The following STXBP5L variants were observed in gnomAD, a reference collection of about 807,000 sequenced individuals.
STXBP5L encodes the protein syntaxin-binding protein 5-like.
Under a neutral mutation model 144.5 loss-of-function variants are expected in STXBP5L, and 65 were observed. The observed-to-expected ratio is 0.45, with a 90% CI of 0.37 to 0.55. The LOEUF is 0.55. STXBP5L is among the 20% of genes least tolerant of loss of function. STXBP5L has a pLI of 0.00. For missense variants in STXBP5L, 1,298 were observed against 1,405.5 expected (o/e 0.92, Z 1.22); for synonymous variants, 505 against 469.6 (o/e 1.08, Z -0.97).
intron 3 of STXBP5L, among the ~76,000 whole-genome samples, chr3:121,007,803 A>G (rs2108105380): frequency 6.6e-6 from 1 of 152,142 alleles, no homozygotes; most frequent in South Asian, 2.1e-4. Context: ...GGTCAAAAGA[A>G]TGTGGTCAGG....
At chr3:121,157,839 T>C (rs895343596) in intron 9 of STXBP5L, 3 of 574,460 alleles carry the variant, frequency 5.2e-6, no homozygotes. Flanking sequence ...CCCTGTTTTG[T>C]AAGCTGTAGT....
intron 3 of STXBP5L, among the ~76,000 whole-genome samples, chr3:121,029,240 G>A (rs533378155): frequency 6.6e-6 from 1 of 152,070 alleles, no homozygotes; most frequent in African/African-American, 2.4e-5. Context: ...TAAGCAAAAA[G>A]AACAAAGCTG....
intron 3 of STXBP5L, among the ~76,000 whole-genome samples, chr3:121,024,777 A>G (rs1029858066): frequency 1.3e-5 from 2 of 152,182 alleles, no homozygotes; most frequent in African/African-American, 2.4e-5. Flanking sequence ...GTATAAACAC[A>G]AGTATATAGA....
chr3:121,252,239 G>A (rs925102192), intron 15 of STXBP5L, among the ~76,000 whole-genome samples: 4 of 151,920 alleles, frequency 2.6e-5, no homozygotes, highest in African/African-American at 7.3e-5. Context: ...GGCAGCATGC[G>A]CCTGTGGTCC....
intron 9 of STXBP5L, among the ~76,000 whole-genome samples, chr3:121,192,918 A>T (rs879398073): frequency 4.6e-5 from 7 of 152,244 alleles, no homozygotes; most frequent in Admixed American, 4.6e-4. Context: ...ATGGGCAAGG[A>T]CTTCATAACT....
chr3:121,039,580 C>T (rs1465791868), intron 3 of STXBP5L, among the ~76,000 whole-genome samples: 1 of 150,994 alleles, frequency 6.6e-6, no homozygotes, highest in Non-Finnish European at 1.5e-5. Context: ...ATATCATTTC[C>T]CTTTTGCCTG....
intron 5 of STXBP5L, among the ~76,000 whole-genome samples, chr3:121,059,695 C>T (rs1014398211): frequency 3.3e-5 from 5 of 152,104 alleles, no homozygotes; most frequent in Non-Finnish European, 5.9e-5. Context: ...CTTCACATCC[C>T]TTGTAAGCTG....
At chr3:121,401,863 G>A (rs2046883711) in intron 22 of STXBP5L, among the ~76,000 whole-genome samples, 1 of 129,470 alleles carries the variant, frequency 7.7e-6, no homozygotes, top group South Asian at 2.9e-4. Context: ...CCTGCACAAT[G>A]TGCACATGTA....
intron 3 of STXBP5L, among the ~76,000 whole-genome samples, chr3:120,962,934 G>A (rs1316305581): frequency 2.0e-5 from 3 of 152,022 alleles, no homozygotes; most frequent in African/African-American, 7.2e-5. Flanking sequence ...ATTTGTTTGT[G>A]TCCTCTTTTA....
At chr3:121,070,545 C>T (rs1315074298) in intron 5 of STXBP5L, among the ~76,000 whole-genome samples, 1 of 152,098 alleles carries the variant, frequency 6.6e-6, no homozygotes. Flanking sequence ...CTTCATTCCT[C>T]CCTTTTGGTG....
At position 121,419,175 on chromosome 3, in the gene STXBP5L, G is replaced by T; in HGVS notation, c.*78G>T. 1 of 1,329,526 alleles carries T rather than the reference G, an allele frequency of 7.5e-7. No individual in the cohort carries two copies. Among genetic ancestry groups the T allele is most frequent in the East Asian group, 2.4e-5 (1 of 41,068 alleles). 82.4% of individuals were successfully genotyped at this position (1,329,526 alleles called of 1,614,324 possible). On this transcript the variant is annotated 3_prime_UTR_variant, in exon 27 of 27. Transcript: ENST00000471454. ...TTATTCCCAGCATCACTACTCAACTGCTAGAAGCCAGTTTCTTCTACAAAA... is the reference window on the plus strand; with the variant it reads ...TTATTCCCAGCATCACTACTCAACTTCTAGAAGCCAGTTTCTTCTACAAAA...
At chr3:121,331,342 C>T (rs1304057708) in intron 20 of STXBP5L, among the ~76,000 whole-genome samples, 1 of 152,200 alleles carries the variant, frequency 6.6e-6, no homozygotes, top group Non-Finnish European at 1.5e-5. Flanking sequence ...ACAGTTGAGG[C>T]TTCTCCCATG....
At position 121,219,719 on chromosome 3, in the gene STXBP5L, G is replaced by C. The variant is rs11920102; in HGVS notation, c.957-3284G>C. 8.2e-3 allele frequency among the ~76,000 whole-genome samples: 1,250 copies of C among 152,152 alleles called. 21 individuals carry two copies. The highest frequency in any genetic ancestry group is 0.028 in the African/African-American group (1,171 of 41,512). On this transcript the variant is annotated intron_variant, in intron 10 of 26. Transcript: ENST00000471454. ...TTCCTATTACGGCAGCCTACTGATA[G>C]GCTTTATGTATAATTAAGTTCTCCA...
chr3:121,047,527 C>T (rs763403463), intron 5 of STXBP5L, among the ~76,000 whole-genome samples: 11 of 152,126 alleles, frequency 7.2e-5, no homozygotes, highest in Non-Finnish European at 1.3e-4. Flanking sequence ...TTTATGAATC[C>T]GGGTACTCCT....
chr3:121,225,097 A>T (rs2049080227), intron 11 of STXBP5L, among the ~76,000 whole-genome samples: 1 of 152,116 alleles, frequency 6.6e-6, no homozygotes, highest in South Asian at 2.1e-4. Context: ...GTCAAAAGCT[A>T]GGAGATGTAC....
intron 9 of STXBP5L, among the ~76,000 whole-genome samples, chr3:121,170,490 T>TA (rs981740237): frequency 2.4e-4 from 36 of 151,930 alleles, no homozygotes; most frequent in African/African-American, 8.7e-4. Context: ...ATAGACACAA[T>TA]AAAAAATGAT....
intron 2 of STXBP5L, among the ~76,000 whole-genome samples, chr3:120,942,912 A>G (rs1315642806): frequency 2.0e-5 from 3 of 151,486 alleles, no homozygotes; most frequent in Admixed American, 6.6e-5. Context: ...TATTTCACAT[A>G]TTTACCTGGT....
chr3:121,207,406 T>C (rs1022270058), intron 10 of STXBP5L, among the ~76,000 whole-genome samples: 11 of 152,078 alleles, frequency 7.2e-5, no homozygotes, highest in Non-Finnish European at 1.5e-5. Flanking sequence ...CGATACCATG[T>C]AGGACATAGA....
chr3:121,006,029 A>C (rs890461643), intron 3 of STXBP5L, among the ~76,000 whole-genome samples: 1 of 151,980 alleles, frequency 6.6e-6, no homozygotes, highest in Non-Finnish European at 1.5e-5. Flanking sequence ...GTGTATTCTG[A>C]TGATTTGGGG....
Sources: gnomAD v4.1 joint callset for allele counts (sites outside exome capture counted in the v4.1 genomes callset) on GRCh38, gnomAD v4.1.1 for gene constraint, MANE v1.5 for transcripts, NCBI Gene and HGNC (gene_info 2026-07-23, HGNC 2026-07-21) for gene names.